Variants in LGALS1 observed in about 807,000 individuals in gnomAD.
The protein encoded by LGALS1 is galectin-1.
In LGALS1, 14 loss-of-function variants were observed where a neutral mutation model predicts 14.4. The ratio of observed to expected loss-of-function variants is 0.97; its 90% CI spans 0.64 to 1.52. The LOEUF is 1.52. Ranked by LOEUF, LGALS1 falls within the 40% of genes most tolerant of loss-of-function variation. The pLI, the probability that LGALS1 is intolerant of heterozygous loss-of-function variation, is 0.00. For missense variants in LGALS1, 170 were observed against 181.4 expected, an observed-to-expected ratio of 0.94 and a Z score of 0.36; for synonymous variants, 71 against 73.4, an observed-to-expected ratio of 0.97 and a Z score of 0.17.
Position 37,678,673 on chromosome 22 carries a change from C to A in LGALS1, c.261+19C>A. 1 of 616,034 alleles carries A rather than the reference C, an allele frequency of 1.6e-6. No homozygotes were observed. The highest frequency in any genetic ancestry group is 3.3e-4 in the Middle Eastern group (1 of 3,056). The allele number at this position is 616,034 out of a possible 1,614,324, so 38.2% of individuals were successfully genotyped here. On this transcript the variant is annotated intron_variant, in intron 3 of 3. Transcript: ENST00000215909. The stretch of plus-strand genomic sequence containing the variant: ...TGCAGAGGTGGGCTGCAGACCGGAA[C>A]CGGGGACCAGGGACAGGGGCTGGGT...
At chr22:37,678,448 C>T (rs764300002) in intron 2 of LGALS1, 35 bp from the exon 3 acceptor site, 1 of 1,611,344 alleles carries the variant, frequency 6.2e-7, no homozygotes, top group South Asian at 1.1e-5. Flanking sequence ...CTGGAGCTGG[C>T]CGAGGTGGCC....
chr22:37,676,594 G>A (rs1400624726), intron 1 of LGALS1, among the ~76,000 whole-genome samples: 1 of 152,030 alleles, frequency 6.6e-6, no homozygotes, highest in Non-Finnish European at 1.5e-5. Flanking sequence ...CAGAGGGGCC[G>A]GCCCCTCCAT....
rs375271786 is a variant in LGALS1 at position 37,677,812 on chromosome 22, T to C, written c.90-671T>C. Among the ~76,000 whole-genome samples, 11 of 152,240 alleles carry C rather than the reference T, an allele frequency of 7.2e-5. No individual in the cohort carries two copies. In the East Asian group the frequency reaches 1.7e-3, roughly 24 times the overall value. On this transcript the variant is annotated intron_variant, in intron 2 of 3. Coordinates refer to ENST00000215909, the MANE Select transcript of LGALS1 (RefSeq NM_002305.4). ...TATTTATTTATTTTTTGAGACACAG[T>C]CTCACCCTGTCGCCCAGGCTGGAGT...
At chr22:37,679,576 C>T (rs536958275) in intron 3 of LGALS1, 27 bp from the exon 4 acceptor site, 15 of 1,555,430 alleles carry the variant, frequency 9.6e-6, no homozygotes, top group Non-Finnish European at 1.3e-5. Flanking sequence ...CATGTGGGCC[C>T]GGCTCACTGC....
Position 37,675,748 on chromosome 22 carries a change from A to G in LGALS1, c.9+37A>G, listed in dbSNP as rs1443065767. On this transcript the variant is annotated intron_variant, in intron 1 of 3. Coordinates refer to ENST00000215909, the MANE Select transcript of LGALS1 (RefSeq NM_002305.4). ...GACCCCCCCCCAAGGTCCAGGGGAT[A>G]GGGCAGGAACTGATGGCCAGAGGAG... The G allele has an allele frequency of 1.7e-5, 26 of 1,520,612 alleles. No homozygotes were observed. The Middle Eastern group carries it at 5.8e-4, about 34-fold the overall frequency. 94.2% of individuals were successfully genotyped at this position (1,520,612 alleles called of 1,614,324 possible). A position where few individuals can be genotyped will look rare whatever the true frequency, so the allele number is the denominator to read the frequency against.
At position 37,676,022 on chromosome 22, in the gene LGALS1, AC is replaced by A. The variant is rs781051479; in HGVS notation, c.9+314del. On this transcript the variant is annotated intron_variant, in intron 1 of 3. Transcript: ENST00000215909. The stretch of plus-strand genomic sequence containing the variant: ...GGAAGGGTGTGGCCAACTGGGGGAC[AC>A]CCAGGCCACTATCCCTTTCCCCCTC... 1.2e-3 allele frequency: 367 copies of A among 304,294 alleles called. 2 individuals carry two copies. The highest frequency in any genetic ancestry group is 1.9e-3 in the Non-Finnish European group (310 of 164,180). 18.8% of individuals were successfully genotyped at this position (304,294 alleles called of 1,614,324 possible).
Position 37,679,606 on chromosome 22 carries a change from T to G in LGALS1, c.265T>G (p.Cys89Gly), listed in dbSNP as rs553731842. The change falls in exon 4 of 4, where the codon TGC becomes GGC. Residue 89 changes from cysteine (C) to glycine (G), a missense_variant. Cys to Gly is a radical substitution (Grantham distance 159). Transcript: ENST00000215909. ...CACTGCTCTCCTCTACCCCCAGGTG[T>G]GCATCACCTTCGACCAGGCCAACCT... ...PFQPGSVAEV[C>G]ITFDQANLTV... 2 of 1,604,034 alleles carry G rather than the reference T, an allele frequency of 1.2e-6. No individual in the cohort carries two copies. Among genetic ancestry groups the G allele is most frequent in the Non-Finnish European group, 1.7e-6 (2 of 1,176,248 alleles).
At position 37,675,687 on chromosome 22, in the gene LGALS1, C is replaced by T; in HGVS notation, c.-16C>T. 6.5e-7 allele frequency: 1 copy of T among 1,549,360 alleles called. No homozygotes were observed. Among genetic ancestry groups the T allele is most frequent in the Non-Finnish European group, 8.7e-7 (1 of 1,146,830 alleles). On this transcript the variant is annotated 5_prime_UTR_variant, in exon 1 of 4. Coordinates refer to ENST00000215909, the MANE Select transcript of LGALS1 (RefSeq NM_002305.4). ...AGCTGGTGCGCCTGCCCGGGAACATCCTCCTGGACTCAATCATGGCTTGTG... is the reference window on the plus strand; with the variant it reads ...AGCTGGTGCGCCTGCCCGGGAACATTCTCCTGGACTCAATCATGGCTTGTG...
chr22:37,678,832 G>A (rs1274577161), intron 3 of LGALS1, among the ~76,000 whole-genome samples, 178 bp downstream of exon 3: 2 of 151,896 alleles, frequency 1.3e-5, no homozygotes, highest in Non-Finnish European at 2.9e-5. Context: ...ACAATAAAAC[G>A]AAGGGGAAAA....
intron 1 of LGALS1, chr22:37,676,741 T>C (rs1601601498): frequency 1.7e-6 from 1 of 573,602 alleles, no homozygotes; most frequent in East Asian, 3.1e-5. Context: ...TTCTAGAGCC[T>C]GTCTTCTAGA....
chr22:37,677,870 C>T (rs1306727588), intron 2 of LGALS1, among the ~76,000 whole-genome samples: 2 of 152,078 alleles, frequency 1.3e-5, no homozygotes, highest in African/African-American at 4.8e-5. Context: ...CCACAACCTC[C>T]GCCTCCCGGG....
chr22:37,677,365 T>C (rs1050346785), intron 2 of LGALS1: 1 of 378,958 alleles, frequency 2.6e-6, no homozygotes, highest in Non-Finnish European at 4.9e-6. Flanking sequence ...GACCTGTCGC[T>C]GGGGAGGGCG....
Position 37,678,669 on chromosome 22 carries a change from G to T in LGALS1, c.261+15G>T. 8.3e-7 allele frequency: 1 copy of T among 1,207,092 alleles called. No individual in the cohort carries two copies. Among genetic ancestry groups the T allele is most frequent in the Non-Finnish European group, 1.1e-6 (1 of 886,236 alleles). 74.8% of individuals were successfully genotyped at this position (1,207,092 alleles called of 1,614,324 possible). ...GTGTTGCAGAGGTGGGCTGCAGACC[G>T]GAACCGGGGACCAGGGACAGGGGCT... On this transcript the variant is annotated intron_variant, in intron 3 of 3. Transcript: ENST00000215909.
At chr22:37,677,122 G>T in intron 2 of LGALS1, 57 bp downstream of exon 2, 1 of 1,545,522 alleles carries the variant, frequency 6.5e-7, no homozygotes, top group South Asian at 1.1e-5. Context: ...CAGCAGGGAG[G>T]GCGTGGCCGG....
rs1921401724 is a variant in LGALS1 at position 37,675,730 on chromosome 22, C to CG, written c.9+19_9+20insG. ...GGCTTGTGTGAGTGTGGGGACCCCC[C>CG]CCCAAGGTCCAGGGGATAGGGCAGG... On this transcript the variant is annotated intron_variant, in intron 1 of 3. Coordinates refer to ENST00000215909, the MANE Select transcript of LGALS1 (RefSeq NM_002305.4). The CG allele has an allele frequency of 6.5e-7, 1 of 1,539,038 alleles. No homozygotes were observed. Among genetic ancestry groups the CG allele is most frequent in the African/African-American group, 1.4e-5 (1 of 72,584 alleles).
rs756425191 is a variant in LGALS1, at chr22:37,679,722, C to T, written c.381C>T (p.Phe127=). Residue 127 remains phenylalanine (F), a synonymous_variant, in exon 4 of 4, where the codon TTC becomes TTT. Transcript: ENST00000215909. ...ACTACATGGCAGCTGACGGTGACTT[C>T]AAGATCAAATGTGTGGCCTTTGACT... ...AINYMAADGD[F]KIKCVAFD The T allele has an allele frequency of 1.2e-6, 2 of 1,606,684 alleles. No homozygotes were observed. Among genetic ancestry groups the T allele is most frequent in the Non-Finnish European group, 1.7e-6 (2 of 1,176,518 alleles).
In LGALS1 at chr22:37,679,588, C is replaced by A; in HGVS notation, c.262-15C>A. ...TGGCATGTGGGCCCGGCTCACTGCT[C>A]TCCTCTACCCCCAGGTGTGCATCAC... On this transcript the variant is annotated splice_polypyrimidine_tract_variant and intron_variant, in intron 3 of 3. Transcript: ENST00000215909. 1 of 1,581,308 alleles carries A rather than the reference C, an allele frequency of 6.3e-7. No individual in the cohort carries two copies. The highest frequency in any genetic ancestry group is 1.4e-5 in the African/African-American group (1 of 73,918).
Position 37,679,656 on chromosome 22 carries a change from C to T in LGALS1, c.315C>T (p.Tyr105=), listed in dbSNP as rs369424642. Residue 105 remains tyrosine, a synonymous_variant, in exon 4 of 4, where the codon TAC becomes TAT. Transcript: ENST00000215909. ...TGACCGTCAAGCTGCCAGATGGATA[C>T]GAATTCAAGTTCCCCAACCGCCTCA... ...ANLTVKLPDG[Y]EFKFPNRLNL... is the part of the protein sequence containing the mutation. The T allele has an allele frequency of 2.5e-5, 40 of 1,610,194 alleles. 1 individual carries two copies. The highest frequency in any genetic ancestry group is 6.7e-5 in the African/African-American group (5 of 74,776).
intron 2 of LGALS1, 192 bp downstream of exon 2, chr22:37,677,257 C>T: frequency 1.7e-6 from 1 of 605,700 alleles, no homozygotes; most frequent in Non-Finnish European, 2.9e-6. Flanking sequence ...CCCTCCCCCG[C>T]TCCCTCCCTG....
Sources: allele counts gnomAD v4.1 joint callset (sites outside exome capture counted in the v4.1 genomes callset), GRCh38; gene constraint gnomAD v4.1.1; transcripts MANE v1.5; gene names NCBI Gene and HGNC (gene_info 2026-07-23, HGNC 2026-07-21).